Variants in MAF observed in about 807,000 individuals in gnomAD.
The protein encoded by MAF is MAF bZIP transcription factor.
MAF carries 10 observed loss-of-function variants against 22.0 expected under a neutral mutation model. The ratio of observed to expected loss-of-function variants is 0.45; its 90% CI spans 0.28 to 0.77. The LOEUF (loss-of-function observed/expected upper bound fraction) is 0.77. MAF is among the 30% of genes least tolerant of loss of function. The pLI is 0.12. For missense variants in MAF, 544 were observed against 548.4 expected (o/e 0.99, Z 0.08); for synonymous variants, 337 against 255.8 (o/e 1.32, Z -3.03).
chr16:79,565,517 A>G, the MAF span, among the ~76,000 whole-genome samples: 3 of 145,302 alleles, frequency 2.1e-5, no homozygotes, highest in African/African-American at 7.7e-5. Flanking sequence ...GGGGGGGGGG[A>G]CCAGTTGGGA....
the MAF span, among the ~76,000 whole-genome samples, chr16:79,401,970 C>G: frequency 2.6e-5 from 4 of 152,174 alleles, no homozygotes; most frequent in Non-Finnish European, 5.9e-5. Flanking sequence ...ATCATTACCC[C>G]CATTTTATAG....
At chr16:79,268,827 T>C in the MAF span, among the ~76,000 whole-genome samples, 4 of 152,308 alleles carry the variant, frequency 2.6e-5, no homozygotes, top group Middle Eastern at 3.4e-3. Context: ...ACAAGCCGCA[T>C]TGTCAGATGC....
At chr16:79,363,319 GA>G in the MAF span, among the ~76,000 whole-genome samples, 8 of 152,158 alleles carry the variant, frequency 5.3e-5, no homozygotes, top group Non-Finnish European at 1.2e-4. Context: ...AACCTAAGTT[GA>G]ATATATAGTG....
the MAF span, among the ~76,000 whole-genome samples, chr16:79,377,721 G>T: frequency 6.6e-6 from 1 of 152,162 alleles, no homozygotes; most frequent in Non-Finnish European, 1.5e-5. Context: ...GTAAGGAAGA[G>T]GTCGAGTTTC....
the MAF span, chr16:79,211,491 T>C: frequency 1.3e-5 from 17 of 1,327,500 alleles, no homozygotes; most frequent in Middle Eastern, 2.5e-4. Context: ...TATGCCAAGA[T>C]CCAGCTGAAA....
the MAF span, among the ~76,000 whole-genome samples, chr16:79,571,212 T>C: frequency 6.6e-6 from 1 of 152,072 alleles, no homozygotes; most frequent in Admixed American, 6.6e-5. Context: ...TTTGGCTGCA[T>C]AGAACTTAGT....
the MAF span, among the ~76,000 whole-genome samples, chr16:79,239,317 G>A: frequency 6.6e-6 from 1 of 152,042 alleles, no homozygotes; most frequent in Admixed American, 6.6e-5. Flanking sequence ...ATCCTGGTTT[G>A]CTCAGAAGTG....
the MAF span, among the ~76,000 whole-genome samples, chr16:79,280,584 C>T: frequency 6.6e-6 from 1 of 152,166 alleles, no homozygotes; most frequent in African/African-American, 2.4e-5. Flanking sequence ...CCTAGGGCTG[C>T]TTGAAGCAAG....
At chr16:79,557,264 G>C in the MAF span, among the ~76,000 whole-genome samples, 2 of 151,944 alleles carry the variant, frequency 1.3e-5, no homozygotes, top group African/African-American at 4.8e-5. Context: ...GTAATTTCCC[G>C]AAGTTTCTGT....
At chr16:79,380,810 C>T in the MAF span, among the ~76,000 whole-genome samples, 2 of 152,240 alleles carry the variant, frequency 1.3e-5, no homozygotes, top group African/African-American at 4.8e-5. Context: ...CGGCCATTGA[C>T]CCTACAGCTG....
the MAF span, among the ~76,000 whole-genome samples, chr16:79,524,135 C>A: frequency 6.6e-6 from 1 of 152,202 alleles, no homozygotes; most frequent in East Asian, 1.9e-4. Flanking sequence ...CCATCAGCAT[C>A]CCTGGTTGCT....
At chr16:79,339,109 G>A in the MAF span, among the ~76,000 whole-genome samples, 8 of 150,754 alleles carry the variant, frequency 5.3e-5, no homozygotes, top group South Asian at 2.1e-4. Flanking sequence ...TCTCACTGTC[G>A]CCCAGGCTGG....
chr16:79,537,586 C>T, the MAF span, among the ~76,000 whole-genome samples: 2 of 152,116 alleles, frequency 1.3e-5, no homozygotes, highest in African/African-American at 4.8e-5. Context: ...CCTAGAATTC[C>T]GCTCTGTGGC....
the MAF span, among the ~76,000 whole-genome samples, chr16:79,329,316 G>A: frequency 1.3e-5 from 2 of 152,134 alleles, no homozygotes; most frequent in Non-Finnish European, 2.9e-5. Flanking sequence ...ACTCTAGACC[G>A]ACTAAACTGG....
At chr16:79,206,809 G>C in the MAF span, 1 of 151,936 alleles carries the variant, frequency 6.6e-6, no homozygotes. Context: ...CACCTAGCCA[G>C]GGAGGCCTAT....
chr16:79,423,959 A>T, the MAF span, among the ~76,000 whole-genome samples: 1 of 152,208 alleles, frequency 6.6e-6, no homozygotes, highest in African/African-American at 2.4e-5. Context: ...CATGAATCTT[A>T]ATAGGGTTAA....
chr16:79,404,317 C>G, the MAF span, among the ~76,000 whole-genome samples: 2 of 152,066 alleles, frequency 1.3e-5, no homozygotes, highest in African/African-American at 2.4e-5. Context: ...GTGCCCACCA[C>G]CACACCGTGC....
the MAF span, among the ~76,000 whole-genome samples, chr16:79,222,720 C>T: frequency 2.0e-5 from 3 of 152,062 alleles, no homozygotes; most frequent in African/African-American, 7.2e-5. Context: ...AGCAGGGTTG[C>T]AATCCTAGTC....
downstream of MAF, among the ~76,000 whole-genome samples, chr16:79,590,940 A>G (rs544687061): frequency 2.3e-4 from 35 of 152,282 alleles, no homozygotes; most frequent in Admixed American, 3.9e-4. Flanking sequence ...ACAGGCCTCA[A>G]GAAGTGGATG....
Sources: gnomAD v4.1 joint callset for allele counts (sites outside exome capture counted in the v4.1 genomes callset) on GRCh38, gnomAD v4.1.1 for gene constraint, MANE v1.5 for transcripts, NCBI Gene and HGNC (gene_info 2026-07-23, HGNC 2026-07-21) for gene names.